CYP4Z1: variants seen among roughly 807,000 people sequenced by gnomAD.
CYP4Z1 encodes the protein cytochrome P450 4Z1.
In CYP4Z1, 41 loss-of-function variants were observed where a neutral mutation model predicts 54.2. That is an observed-to-expected ratio of 0.76 (90% CI 0.59 to 0.98). The LOEUF is 0.98. CYP4Z1 is among the 50% of genes least tolerant of loss of function. The pLI, the probability that CYP4Z1 is intolerant of heterozygous loss-of-function variation, is 0.00. For missense variants in CYP4Z1, 513 were observed against 599.0 expected, an observed-to-expected ratio of 0.86 and a Z score of 1.50; for synonymous variants, 163 against 206.2, an observed-to-expected ratio of 0.79 and a Z score of 1.79.
intron 8 of CYP4Z1, among the ~76,000 whole-genome samples, chr1:47,100,295 G>T (rs1361329738): frequency 6.6e-6 from 1 of 151,956 alleles, no homozygotes; most frequent in Non-Finnish European, 1.5e-5. Context: ...GTTTTGTTTT[G>T]GTTTTGCTAT....
chr1:47,058,426 C>T, the CYP4Z1 span, among the ~76,000 whole-genome samples: 822 of 152,086 alleles, frequency 5.4e-3, 6 homozygotes, highest in African/African-American at 0.019. Context: ...AGGACATCCT[C>T]GATCACCACC....
chr1:47,063,195 T>A (rs144202691), upstream of CYP4Z1, among the ~76,000 whole-genome samples: 1,433 of 152,128 alleles, frequency 9.4e-3, 11 homozygotes, highest in African/African-American at 0.032. Flanking sequence ...GGGGAGAACA[T>A]CACATCAAGG....
intron 8 of CYP4Z1, among the ~76,000 whole-genome samples, chr1:47,105,683 G>T (rs1644751699): frequency 6.6e-6 from 1 of 152,106 alleles, no homozygotes; most frequent in Non-Finnish European, 1.5e-5. Flanking sequence ...TTGCTATGTT[G>T]GTTCCTGTCT....
At chr1:47,083,085 G>C (rs955134777) in intron 4 of CYP4Z1, among the ~76,000 whole-genome samples, 5 of 152,164 alleles carry the variant, frequency 3.3e-5, no homozygotes, top group Admixed American at 6.5e-5. Flanking sequence ...CCGTTTCAGG[G>C]GTCCTGAATG....
At chr1:47,100,314 C>T (rs776901637) in intron 8 of CYP4Z1, among the ~76,000 whole-genome samples, 15 of 152,270 alleles carry the variant, frequency 9.9e-5, no homozygotes, top group African/African-American at 3.6e-4. Flanking sequence ...ATTACAATAG[C>T]GCCCTCTTGT....
At chr1:47,084,405 C>T (rs1190803090) in intron 4 of CYP4Z1, among the ~76,000 whole-genome samples, 1 of 151,576 alleles carries the variant, frequency 6.6e-6, no homozygotes, top group East Asian at 1.9e-4. Flanking sequence ...ATAGCTATTT[C>T]CCCACCCTTA....
intron 4 of CYP4Z1, 81 bp downstream of exon 4, chr1:47,082,542 C>T: frequency 3.9e-6 from 6 of 1,536,542 alleles, no homozygotes; most frequent in Non-Finnish European, 5.2e-6. Flanking sequence ...CTCTGAGTTC[C>T]CTCAGAACCA....
upstream of CYP4Z1, among the ~76,000 whole-genome samples, chr1:47,063,931 C>T (rs1414738484): frequency 2.6e-5 from 4 of 152,094 alleles, no homozygotes; most frequent in Non-Finnish European, 4.4e-5. Context: ...CACCTAGGCA[C>T]ATAGCCATCA....
chr1:47,068,213 C>T (rs146870837), intron 1 of CYP4Z1, among the ~76,000 whole-genome samples: 254 of 152,296 alleles, frequency 1.7e-3, no homozygotes, highest in African/African-American at 1.9e-3. Context: ...TGGTTACTAA[C>T]GGTTTACCTT....
chr1:47,064,388 C>G (rs1393666435), upstream of CYP4Z1, among the ~76,000 whole-genome samples: 1 of 152,034 alleles, frequency 6.6e-6, no homozygotes, highest in Non-Finnish European at 1.5e-5. Flanking sequence ...GCCTAGGGTC[C>G]TATTTTTAGC....
chr1:47,056,438 G>A, the CYP4Z1 span, among the ~76,000 whole-genome samples: 19 of 151,906 alleles, frequency 1.3e-4, no homozygotes, highest in Admixed American at 2.0e-4. Flanking sequence ...TATTAGGTCC[G>A]CTTGGTGCAG....
At chr1:47,094,900 T>C (rs982620217) in intron 7 of CYP4Z1, among the ~76,000 whole-genome samples, 11 of 152,210 alleles carry the variant, frequency 7.2e-5, no homozygotes, top group South Asian at 4.2e-4. Flanking sequence ...CCCAGCTACT[T>C]GGGAGGCTGA....
At chr1:47,102,073 A>G (rs1644725725) in intron 8 of CYP4Z1, among the ~76,000 whole-genome samples, 1 of 151,124 alleles carries the variant, frequency 6.6e-6, no homozygotes, top group Non-Finnish European at 1.5e-5. Context: ...AGCTCCTCCT[A>G]CTCATTTTTG....
chr1:47,106,104 C>G, intron 8 of CYP4Z1, 24 bp from the exon 9 acceptor site: 1 of 1,601,454 alleles, frequency 6.2e-7, no homozygotes, highest in Non-Finnish European at 8.5e-7. Context: ...CCTCCTTTTC[C>G]TTTCCTCCTG....
chr1:47,096,533 G>A (rs1644678134), intron 7 of CYP4Z1: 2 of 151,892 alleles, frequency 1.3e-5, no homozygotes, highest in African/African-American at 2.4e-5. Flanking sequence ...TGTGGAGGAT[G>A]TGCAGGTTTG....
intron 8 of CYP4Z1, among the ~76,000 whole-genome samples, chr1:47,100,520 A>T (rs879461151): frequency 6.4e-4 from 97 of 152,202 alleles, no homozygotes; most frequent in Non-Finnish European, 5.6e-4. Flanking sequence ...TCCACACTGT[A>T]TATGCTACCT....
intron 6 of CYP4Z1, among the ~76,000 whole-genome samples, chr1:47,090,224 A>T (rs1028995697): frequency 4.6e-5 from 7 of 152,252 alleles, no homozygotes; most frequent in Non-Finnish European, 8.8e-5. Flanking sequence ...TAAAATTTTC[A>T]TACTTGTTTC....
At chr1:47,094,164 A>T (rs977329904) in intron 6 of CYP4Z1, among the ~76,000 whole-genome samples, 1 of 152,124 alleles carries the variant, frequency 6.6e-6, no homozygotes, top group African/African-American at 2.4e-5. Context: ...GAGATATGAC[A>T]TCTCATCTTT....
At chr1:47,068,922 G>T (rs538861151) in intron 2 of CYP4Z1, among the ~76,000 whole-genome samples, 159 bp downstream of exon 2, 3 of 152,238 alleles carry the variant, frequency 2.0e-5, no homozygotes, top group Admixed American at 2.0e-4. Flanking sequence ...TCATAGTCAG[G>T]ACTCTATTGA....
Sources: gnomAD v4.1 joint callset for allele counts (sites outside exome capture counted in the v4.1 genomes callset) on GRCh38, gnomAD v4.1.1 for gene constraint, MANE v1.5 for transcripts, NCBI Gene and HGNC (gene_info 2026-07-23, HGNC 2026-07-21) for gene names.